Variants in AGBL4 observed in about 807,000 individuals in gnomAD.
The protein encoded by AGBL4 is AGBL carboxypeptidase 4.
A neutral mutation model predicts 66.4 loss-of-function variants in AGBL4; 58 were observed. The observed-to-expected ratio is 0.87, with a 90% CI of 0.71 to 1.09. The LOEUF is 1.09. Ranked by LOEUF, AGBL4 falls within the 50% of genes least tolerant of loss-of-function variation. The probability of loss-of-function intolerance (pLI) is 0.00; values close to 1 mark genes in which losing one functional copy is unlikely to be tolerated. For synonymous variants in AGBL4, 234 were observed against 222.9 expected (o/e 1.05, Z -0.44); for missense variants, 579 against 631.0 (o/e 0.92, Z 0.88).
intron 4 of AGBL4, among the ~76,000 whole-genome samples, chr1:49,115,835 T>C (rs1299166456): frequency 6.6e-6 from 1 of 152,134 alleles, no homozygotes; most frequent in Non-Finnish European, 1.5e-5. Context: ...TCATGACCCA[T>C]TGACATTGCC....
intron 6 of AGBL4, among the ~76,000 whole-genome samples, chr1:48,676,152 A>G (rs1646361457): frequency 6.6e-6 from 1 of 152,242 alleles, no homozygotes; most frequent in African/African-American, 2.4e-5. Flanking sequence ...TTCATCAGAA[A>G]CTAGGTAAGG....
chr1:49,793,597 A>G (rs1480991081), intron 2 of AGBL4, among the ~76,000 whole-genome samples: 1 of 152,004 alleles, frequency 6.6e-6, no homozygotes, highest in African/African-American at 2.4e-5. Flanking sequence ...AGGTCTCAAC[A>G]TAATGATGGG....
intron 4 of AGBL4, among the ~76,000 whole-genome samples, chr1:49,216,445 T>C (rs1047468049): frequency 6.6e-6 from 1 of 152,138 alleles, no homozygotes; most frequent in African/African-American, 2.4e-5. Flanking sequence ...TGTCTACTGT[T>C]GCCATCTTTA....
intron 5 of AGBL4, among the ~76,000 whole-genome samples, chr1:48,985,269 A>G (rs922447235): frequency 6.6e-6 from 1 of 152,108 alleles, no homozygotes; most frequent in Non-Finnish European, 1.5e-5. Context: ...CCTGAGTTAA[A>G]GGGACCAATC....
At chr1:48,710,929 C>CAAAAAAAAAAAAAAAAAAA (rs1557895437) in intron 6 of AGBL4, among the ~76,000 whole-genome samples, 3 of 152,284 alleles carry the variant, frequency 2.0e-5, no homozygotes, top group African/African-American at 7.2e-5. Context: ...AGATCCAGCT[C>CAAAAAAAAAAAAAAAAAAA]AGACATTACC....
intron 2 of AGBL4, among the ~76,000 whole-genome samples, chr1:49,768,418 C>A (rs1182542240): frequency 6.6e-6 from 1 of 152,074 alleles, no homozygotes; most frequent in African/African-American, 2.4e-5. Context: ...GAATTAAAAA[C>A]AAAAATCATG....
At chr1:49,414,574 T>A (rs746399826) in intron 3 of AGBL4, among the ~76,000 whole-genome samples, 1 of 152,122 alleles carries the variant, frequency 6.6e-6, no homozygotes, top group Non-Finnish European at 1.5e-5. Context: ...TTAAAACTGA[T>A]CAAAGGAATA....
At chr1:49,240,568 T>G (rs964328907) in intron 4 of AGBL4, among the ~76,000 whole-genome samples, 14 of 150,680 alleles carry the variant, frequency 9.3e-5, no homozygotes, top group Non-Finnish European at 2.1e-4. Flanking sequence ...TTTTTTTTTT[T>G]TCCTATCTCT....
At chr1:48,617,553 C>A (rs1190578236) in intron 9 of AGBL4, among the ~76,000 whole-genome samples, 5 of 152,180 alleles carry the variant, frequency 3.3e-5, no homozygotes, top group Non-Finnish European at 7.3e-5. Flanking sequence ...TGCAGACCCG[C>A]CTCCTTCCTG....
intron 2 of AGBL4, among the ~76,000 whole-genome samples, chr1:49,810,855 A>G (rs917302526): frequency 2.0e-5 from 3 of 152,188 alleles, no homozygotes; most frequent in Admixed American, 1.3e-4. Flanking sequence ...CATATACAAC[A>G]TATTGAAAAG....
intron 2 of AGBL4, among the ~76,000 whole-genome samples, chr1:49,831,064 T>C (rs908584030): frequency 2.6e-5 from 4 of 152,212 alleles, no homozygotes; most frequent in African/African-American, 9.7e-5. Flanking sequence ...TTTGTTCTTT[T>C]TGCTTGGGAT....
intron 6 of AGBL4, among the ~76,000 whole-genome samples, chr1:48,700,185 G>C (rs1448275000): frequency 6.6e-6 from 1 of 152,162 alleles, no homozygotes; most frequent in Non-Finnish European, 1.5e-5. Flanking sequence ...TCAAATGCCT[G>C]CACATTGCTC....
At chr1:49,886,002 T>C (rs1647995247) in intron 1 of AGBL4, among the ~76,000 whole-genome samples, 1 of 152,064 alleles carries the variant, frequency 6.6e-6, no homozygotes, top group South Asian at 2.1e-4. Flanking sequence ...CATCGCACAG[T>C]TGTGGGGAAA....
At chr1:49,650,942 T>C (rs1446316156) in intron 3 of AGBL4, among the ~76,000 whole-genome samples, 2 of 152,180 alleles carry the variant, frequency 1.3e-5, no homozygotes, top group Admixed American at 1.3e-4. Flanking sequence ...TCATGGTAGC[T>C]GCACCCCACT....
intron 6 of AGBL4, among the ~76,000 whole-genome samples, chr1:48,754,393 G>C (rs1027531090): frequency 6.6e-6 from 1 of 152,048 alleles, no homozygotes; most frequent in African/African-American, 2.4e-5. Flanking sequence ...TGTTCATTAC[G>C]TTATTCCCAG....
intron 3 of AGBL4, among the ~76,000 whole-genome samples, chr1:49,312,420 A>G (rs1296592141): frequency 6.6e-6 from 1 of 152,052 alleles, no homozygotes; most frequent in African/African-American, 2.4e-5. Flanking sequence ...TTTTTTATAA[A>G]TTACCCAGTC....
intron 4 of AGBL4, among the ~76,000 whole-genome samples, chr1:49,121,758 G>C (rs541816601): frequency 6.6e-6 from 1 of 152,200 alleles, no homozygotes; most frequent in African/African-American, 2.4e-5. Flanking sequence ...AGACATGGAC[G>C]TTTAAGTCTG....
intron 6 of AGBL4, among the ~76,000 whole-genome samples, chr1:48,817,281 T>C (rs1646202724): frequency 6.6e-6 from 1 of 152,144 alleles, no homozygotes; most frequent in South Asian, 2.1e-4. Flanking sequence ...CTTAAAAAGG[T>C]ACCTGGTTGA....
At chr1:49,101,768 C>G (rs544416302) in intron 4 of AGBL4, among the ~76,000 whole-genome samples, 1 of 152,078 alleles carries the variant, frequency 6.6e-6, no homozygotes, top group Non-Finnish European at 1.5e-5. Flanking sequence ...TGTTCTGTTC[C>G]ATTTTCAATC....
Sources: gnomAD v4.1 joint callset for allele counts (sites outside exome capture counted in the v4.1 genomes callset) on GRCh38, gnomAD v4.1.1 for gene constraint, MANE v1.5 for transcripts, NCBI Gene and HGNC (gene_info 2026-07-23, HGNC 2026-07-21) for gene names.